PRKCE: variants seen among roughly 807,000 people sequenced by gnomAD.
The protein encoded by PRKCE is protein kinase C epsilon.
PRKCE carries 16 observed loss-of-function variants against 85.4 expected under a neutral mutation model. The observed-to-expected ratio is 0.19, with a 90% CI of 0.13 to 0.28. The LOEUF is 0.28. Ranked by LOEUF, PRKCE falls within the 10% of genes least tolerant of loss-of-function variation. The pLI is 1.00. For synonymous variants in PRKCE, 388 were observed against 371.5 expected, an observed-to-expected ratio of 1.04 and a Z score of -0.51; for missense variants, 573 against 975.2, an observed-to-expected ratio of 0.59 and a Z score of 5.49.
chr2:46,040,002 C>T (rs558245546), intron 10 of PRKCE, among the ~76,000 whole-genome samples: 10 of 152,288 alleles, frequency 6.6e-5, no homozygotes, highest in South Asian at 2.1e-4. Flanking sequence ...CCATTTTTAC[C>T]TACTGAGGGG....
At chr2:46,123,079 T>C (rs1374551976) in intron 11 of PRKCE, among the ~76,000 whole-genome samples, 3 of 146,212 alleles carry the variant, frequency 2.1e-5, no homozygotes, top group African/African-American at 7.6e-5. Context: ...CCAGGGGCCA[T>C]GGTTTCTGAA....
chr2:45,737,707 C>T (rs1682198874), intron 1 of PRKCE, among the ~76,000 whole-genome samples: 1 of 152,054 alleles, frequency 6.6e-6, no homozygotes, highest in Non-Finnish European at 1.5e-5. Flanking sequence ...TCTGCATGTC[C>T]CCTTGCCCTC....
chr2:45,688,819 C>A (rs1193038263), intron 1 of PRKCE, among the ~76,000 whole-genome samples: 1 of 152,190 alleles, frequency 6.6e-6, no homozygotes. Flanking sequence ...TCAATTGCAC[C>A]TACTGCAAGT....
At chr2:45,964,632 G>A (rs370916971) in intron 2 of PRKCE, among the ~76,000 whole-genome samples, 16 of 152,224 alleles carry the variant, frequency 1.1e-4, no homozygotes, top group African/African-American at 3.4e-4. Flanking sequence ...ACGAATGGGC[G>A]AATGAATGAA....
chr2:45,756,082 T>C (rs1352234687), intron 1 of PRKCE, among the ~76,000 whole-genome samples: 1 of 152,186 alleles, frequency 6.6e-6, no homozygotes, highest in East Asian at 1.9e-4. Context: ...CCAAGGACTA[T>C]AGAGGCTGAC....
intron 10 of PRKCE, among the ~76,000 whole-genome samples, chr2:46,017,975 C>T (rs2104851696): frequency 6.6e-6 from 1 of 152,298 alleles, no homozygotes; most frequent in African/African-American, 2.4e-5. Flanking sequence ...ATAGCCTCAC[C>T]TCCAAATCCC....
intron 10 of PRKCE, among the ~76,000 whole-genome samples, chr2:46,034,552 T>C (rs923360588): frequency 6.6e-6 from 1 of 152,198 alleles, no homozygotes; most frequent in Non-Finnish European, 1.5e-5. Context: ...AATTGGCTGC[T>C]TCCTTCCGAA....
intron 11 of PRKCE, among the ~76,000 whole-genome samples, chr2:46,132,442 G>A (rs566815299): frequency 6.6e-6 from 1 of 152,252 alleles, no homozygotes; most frequent in African/African-American, 2.4e-5. Flanking sequence ...TCCAAAGCCT[G>A]GGCCTTCCTG....
At chr2:45,889,732 G>A (rs979042588) in intron 2 of PRKCE, among the ~76,000 whole-genome samples, 5 of 152,180 alleles carry the variant, frequency 3.3e-5, no homozygotes, top group African/African-American at 4.8e-5. Context: ...AATTATGAGC[G>A]TGCTTGTGGC....
At chr2:46,019,366 C>T (rs903444715) in intron 10 of PRKCE, among the ~76,000 whole-genome samples, 18 of 152,128 alleles carry the variant, frequency 1.2e-4, no homozygotes, top group Admixed American at 1.0e-3. Flanking sequence ...TGTGCCCTGC[C>T]ATGGGATGGG....
intron 12 of PRKCE, among the ~76,000 whole-genome samples, chr2:46,148,324 A>C (rs1349667756): frequency 1.3e-5 from 2 of 152,180 alleles, no homozygotes; most frequent in African/African-American, 4.8e-5. Context: ...GCCGACAGTT[A>C]ATTAGGAAGC....
intron 5 of PRKCE, among the ~76,000 whole-genome samples, chr2:45,982,285 A>G (rs1470605446): frequency 6.6e-6 from 1 of 151,894 alleles, no homozygotes; most frequent in Non-Finnish European, 1.5e-5. Context: ...TTGTGCAACC[A>G]CCTTTAATGT....
intron 1 of PRKCE, among the ~76,000 whole-genome samples, chr2:45,828,223 G>T (rs369476855): frequency 5.9e-5 from 9 of 152,160 alleles, no homozygotes; most frequent in African/African-American, 9.7e-5. Flanking sequence ...GAGGAGATTC[G>T]ATCAAAGCAA....
At chr2:45,885,890 C>A (rs997216486) in intron 2 of PRKCE, among the ~76,000 whole-genome samples, 1 of 152,174 alleles carries the variant, frequency 6.6e-6, no homozygotes. Flanking sequence ...CACGAGGGAG[C>A]CTCGGAGAAA....
At chr2:45,817,700 C>CA (rs895048348) in intron 1 of PRKCE, among the ~76,000 whole-genome samples, 35 of 148,524 alleles carry the variant, frequency 2.4e-4, no homozygotes, top group African/African-American at 3.4e-4. Flanking sequence ...TCTCAAAAAA[C>CA]AAAAAAAAAA....
rs1219431893 is a variant in PRKCE, at chr2:46,068,579, A to C, written c.1438-17629A>C. Among the ~76,000 whole-genome samples the C allele has an allele frequency of 6.6e-6, 1 of 152,248 alleles. No homozygotes were observed. The highest frequency in any genetic ancestry group is 1.5e-5 in the Non-Finnish European group (1 of 68,044). On this transcript the variant is annotated intron_variant, in intron 10 of 14. Coordinates refer to ENST00000306156, the MANE Select transcript of PRKCE (RefSeq NM_005400.3). The surrounding 1 kb of genome is among the most constrained non-coding windows in gnomAD (Gnocchi z 4.3). ...TCTCTCTGATGTAACAATATAAGGCAATGGTAGAAGGTTGTCACATACAGA... is the reference window on the plus strand; with the variant it reads ...TCTCTCTGATGTAACAATATAAGGCCATGGTAGAAGGTTGTCACATACAGA...
chr2:45,727,013 T>C (rs1681131834), intron 1 of PRKCE, among the ~76,000 whole-genome samples: 2 of 152,212 alleles, frequency 1.3e-5, no homozygotes, highest in Non-Finnish European at 2.9e-5. Context: ...GAGTTTGAGA[T>C]TTGACCTTAG....
intron 1 of PRKCE, among the ~76,000 whole-genome samples, chr2:45,826,992 C>T (rs892994642): frequency 6.6e-6 from 1 of 152,252 alleles, no homozygotes; most frequent in Non-Finnish European, 1.5e-5. Flanking sequence ...ATTCTCCATG[C>T]AGCCACCTTT....
intron 1 of PRKCE, among the ~76,000 whole-genome samples, chr2:45,824,858 T>G (rs981056520): frequency 3.3e-5 from 5 of 152,186 alleles, no homozygotes; most frequent in Non-Finnish European, 7.3e-5. Flanking sequence ...CTGTCTCTTC[T>G]TTCTCTTCTC....
Sources: allele counts gnomAD v4.1 joint callset (sites outside exome capture counted in the v4.1 genomes callset), GRCh38; gene constraint gnomAD v4.1.1; non-coding constraint Gnocchi (gnomAD v3.1); transcripts MANE v1.5; gene names NCBI Gene and HGNC (gene_info 2026-07-23, HGNC 2026-07-21).